The following PTPN2 variants were observed in gnomAD, a reference collection of about 807,000 sequenced individuals.
PTPN2 encodes the protein tyrosine-protein phosphatase non-receptor type 2.
Under a neutral mutation model 57.3 loss-of-function variants are expected in PTPN2, and 19 were observed. The ratio of observed to expected loss-of-function variants is 0.33; its 90% CI spans 0.23 to 0.49. The LOEUF is 0.49. Ranked by LOEUF, PTPN2 falls within the 20% of genes least tolerant of loss-of-function variation. The pLI, the probability that PTPN2 is intolerant of heterozygous loss-of-function variation, is 0.99. For missense variants in PTPN2, 358 were observed against 501.1 expected, an observed-to-expected ratio of 0.71 and a Z score of 2.73; for synonymous variants, 153 against 164.9, an observed-to-expected ratio of 0.93 and a Z score of 0.55.
At chr18:12,819,049 G>T in intron 5 of PTPN2, 1 of 334,504 alleles carries the variant, frequency 3.0e-6, no homozygotes, top group East Asian at 5.2e-5. Context: ...AGCCGAGATC[G>T]TGCCATTGTA....
rs1034727783 is a variant in PTPN2 at position 12,796,326 on chromosome 18, T to C, written c.1041-1841A>G. Among the ~76,000 whole-genome samples the C allele has an allele frequency of 2.2e-4, 33 of 152,334 alleles. 1 individual carries two copies. The highest frequency in any genetic ancestry group is 7.9e-4 in the African/African-American group (33 of 41,576). ...GGTGCCAGCTACACAATTTGGTAAA[T>C]ATATTAAAAGTCACTGAATTGTATA... On this transcript the variant is annotated intron_variant, in intron 8 of 8. Coordinates refer to ENST00000309660, the MANE Select transcript of PTPN2 (RefSeq NM_002828.4).
Position 12,874,752 on chromosome 18 carries a change from C to T in PTPN2, c.69+9321G>A, listed in dbSNP as rs1356932176. Among the ~76,000 whole-genome samples the T allele has an allele frequency of 6.6e-5, 10 of 151,942 alleles. No homozygotes were observed. The East Asian group carries it at 2.0e-3, about 30-fold the overall frequency. The stretch of plus-strand genomic sequence containing the variant: ...TGAGGGGCGCCTCTGCCCGGCCGCC[C>T]CTACTGGGAAGTGAGGAGCCCCTCT... On this transcript the variant is annotated intron_variant, in intron 1 of 8. Coordinates refer to ENST00000309660, the MANE Select transcript of PTPN2 (RefSeq NM_002828.4).
chr18:12,810,417 T>C (rs551448125), intron 7 of PTPN2, among the ~76,000 whole-genome samples: 108 of 152,296 alleles, frequency 7.1e-4, no homozygotes, highest in African/African-American at 2.5e-3. Context: ...GCTATTTTAC[T>C]TAGCTGCATA....
At chr18:12,853,225 C>T (rs2043456129) in intron 2 of PTPN2, among the ~76,000 whole-genome samples, 1 of 152,208 alleles carries the variant, frequency 6.6e-6, no homozygotes, top group South Asian at 2.1e-4. Context: ...TTGCAACTCA[C>T]TGCAGCTTTG....
intron 1 of PTPN2, among the ~76,000 whole-genome samples, chr18:12,866,436 C>G (rs1029065075): frequency 8.4e-6 from 1 of 118,870 alleles, no homozygotes; most frequent in Non-Finnish European, 1.8e-5. Flanking sequence ...AGACTCCTCT[C>G]AAAAACAAAA....
chr18:12,865,395 A>AC (rs1419295844), intron 1 of PTPN2, among the ~76,000 whole-genome samples: 1 of 151,402 alleles, frequency 6.6e-6, no homozygotes, highest in African/African-American at 2.4e-5. Flanking sequence ...TGATCACGCC[A>AC]CTGCATGCCA....
At chr18:12,785,834 T>C in exon 10 of PTPN2, 1 of 1,610,244 alleles carries the variant, frequency 6.2e-7, no homozygotes, top group South Asian at 1.1e-5. Flanking sequence ...TAGGTGTCTG[T>C]CAATCTTGGC....
chr18:12,808,715 A>C (rs181994925), intron 7 of PTPN2, among the ~76,000 whole-genome samples: 235 of 152,360 alleles, frequency 1.5e-3, no homozygotes, highest in African/African-American at 5.3e-3. Context: ...CAGGAGGCGG[A>C]GGTTGCAGTG....
chr18:12,789,777 AGACTACATTTTT>A (rs2040932908), downstream of PTPN2, among the ~76,000 whole-genome samples: 1 of 152,222 alleles, frequency 6.6e-6, no homozygotes, highest in Admixed American at 6.5e-5. Context: ...GGCTTATAAT[AGACTACATTTTT>A]AAAAAACATA....
chr18:12,867,935 T>C (rs1168658878), intron 1 of PTPN2, among the ~76,000 whole-genome samples: 1 of 152,214 alleles, frequency 6.6e-6, no homozygotes, highest in Non-Finnish European at 1.5e-5. Flanking sequence ...CTCAATGATC[T>C]TGGGGTGAAT....
intron 1 of PTPN2, among the ~76,000 whole-genome samples, chr18:12,876,784 CAGG>C (rs2044505775): frequency 6.6e-6 from 1 of 152,182 alleles, no homozygotes; most frequent in South Asian, 2.1e-4. Flanking sequence ...TTAGCAGTTT[CAGG>C]AGATTTGCAA....
Position 12,884,120 on chromosome 18 carries a change from C to T in PTPN2, c.22G>A (p.Glu8Lys), listed in dbSNP as rs1337353757. 6.3e-7 allele frequency: 1 copy of T among 1,588,596 alleles called. No individual in the cohort carries two copies. The highest frequency in any genetic ancestry group is 1.8e-5 in the Admixed American group (1 of 56,956). MPTTIER[E>K]FEELDTQRRW... ...CGCTGAGTATCCAACTCTTCGAACT[C>T]CCGCTCGATGGTGGTGGGCATGGCT... Residue 8 changes from glutamate to lysine, a missense_variant, in exon 1 of 9, where the codon GAG (glutamate) becomes AAG (lysine). Around this residue, in one of 4 missense-constraint regions of PTPN2, gnomAD observed 62 missense variants for 47.9 expected, o/e 1.29. Transcript: ENST00000309660.
chr18:12,805,015 T>C (rs1357184647), intron 7 of PTPN2, among the ~76,000 whole-genome samples: 1 of 152,136 alleles, frequency 6.6e-6, no homozygotes, highest in African/African-American at 2.4e-5. Flanking sequence ...AAAAACATCA[T>C]TTACCATGAC....
intron 1 of PTPN2, among the ~76,000 whole-genome samples, chr18:12,881,423 C>T (rs2044664609): frequency 6.6e-6 from 1 of 151,806 alleles, no homozygotes. Context: ...GGCGACAGAG[C>T]GGGACTCTGT....
chr18:12,797,411 G>A (rs1365792839), intron 8 of PTPN2, among the ~76,000 whole-genome samples: 2 of 152,104 alleles, frequency 1.3e-5, no homozygotes, highest in East Asian at 3.9e-4. Flanking sequence ...ATGCTACATA[G>A]GAGTTTAAAA....
intron 1 of PTPN2, chr18:12,862,396 T>A (rs683468): frequency 0.82 from 125,207 of 152,170 alleles, 54,530 homozygotes; most frequent in Non-Finnish European, 0.96. Flanking sequence ...TGACCTTAAG[T>A]GATCCGCCCG....
rs2041042911 is a variant in PTPN2, at chr18:12,793,422, A to G, written c.*856T>C. On this transcript the variant is annotated 3_prime_UTR_variant, in exon 9 of 9. Transcript: ENST00000309660. ...ATTGAAATTTTCATGAAAAATAAAC[A>G]TATCAATAATGGGATTTACAGAAAC... is the stretch of plus-strand genomic sequence containing the variant. 2 of 979,036 alleles carry G rather than the reference A, an allele frequency of 2.0e-6. No homozygotes were observed. Among genetic ancestry groups the G allele is most frequent in the African/African-American group, 1.7e-5 (1 of 57,182 alleles). 60.6% of individuals were successfully genotyped at this position (979,036 alleles called of 1,614,324 possible). A position where few individuals can be genotyped will look rare whatever the true frequency, so the allele number is the denominator to read the frequency against.
At chr18:12,865,357 C>T (rs1004824723) in intron 1 of PTPN2, among the ~76,000 whole-genome samples, 9 of 151,694 alleles carry the variant, frequency 5.9e-5, no homozygotes, top group Non-Finnish European at 1.3e-4. Flanking sequence ...ATCACTTGAG[C>T]TCAGGAGGTC....
intron 2 of PTPN2, among the ~76,000 whole-genome samples, chr18:12,858,517 G>A (rs914088525): frequency 2.0e-5 from 3 of 151,112 alleles, no homozygotes; most frequent in East Asian, 1.9e-4. Context: ...GCAAAAGAGT[G>A]GTATATCCAA....
Sources: gnomAD v4.1 joint callset for allele counts (sites outside exome capture counted in the v4.1 genomes callset) on GRCh38, gnomAD v4.1.1 for gene constraint, gnomAD v4.1.1 regional missense constraint, MANE v1.5 for transcripts, NCBI Gene and HGNC (gene_info 2026-07-23, HGNC 2026-07-21) for gene names.